CNKSR3: variants seen among roughly 807,000 people sequenced by gnomAD.
CNKSR3 encodes CNKSR family member 3.
In CNKSR3, 36 loss-of-function variants were observed where a neutral mutation model predicts 67.7. The ratio of observed to expected loss-of-function variants is 0.53; its 90% CI spans 0.41 to 0.70. CNKSR3 has a LOEUF of 0.70. CNKSR3 is among the 30% of genes least tolerant of loss of function. The pLI is 0.00. For synonymous variants in CNKSR3, 281 were observed against 271.4 expected, an observed-to-expected ratio of 1.04 and a Z score of -0.35; for missense variants, 630 against 695.2, an observed-to-expected ratio of 0.91 and a Z score of 1.05.
chr6:154,420,366 A>G (rs913249214), intron 9 of CNKSR3, among the ~76,000 whole-genome samples: 2 of 152,146 alleles, frequency 1.3e-5, no homozygotes, highest in Non-Finnish European at 1.5e-5. Flanking sequence ...CAAGAGATCT[A>G]TTGTATAGCA....
At chr6:154,484,832 C>CA (rs1786635887) in intron 1 of CNKSR3, among the ~76,000 whole-genome samples, 2 of 138,592 alleles carry the variant, frequency 1.4e-5, no homozygotes, top group East Asian at 3.9e-4. Flanking sequence ...TGGATGGAGG[C>CA]GAAGCTTCTT....
At chr6:154,417,078 TG>T in intron 9 of CNKSR3, among the ~76,000 whole-genome samples, 1 of 152,218 alleles carries the variant, frequency 6.6e-6, no homozygotes, top group Non-Finnish European at 1.5e-5. Flanking sequence ...TTTCCTCTAT[TG>T]CCTCAAACTC....
intron 1 of CNKSR3, among the ~76,000 whole-genome samples, chr6:154,468,080 C>CTTTTTTTTTTT (rs71021055): frequency 5.6e-5 from 6 of 107,494 alleles, no homozygotes; most frequent in South Asian, 3.1e-4. Context: ...TCTTTTTTTT[C>CTTTTTTTTTTT]TTTTTTTTTT....
chr6:154,407,020 A>T (rs184526360), intron 12 of CNKSR3, among the ~76,000 whole-genome samples: 55 of 151,258 alleles, frequency 3.6e-4, no homozygotes, highest in African/African-American at 1.2e-3. Flanking sequence ...CGGCCTGCCC[A>T]GACTTCTGCC....
chr6:154,464,349 A>G (rs1786146512), intron 1 of CNKSR3, among the ~76,000 whole-genome samples: 1 of 152,144 alleles, frequency 6.6e-6, no homozygotes, highest in South Asian at 2.1e-4. Flanking sequence ...CAAAAGGAAA[A>G]AAAATTCTAC....
At chr6:154,455,330 T>C (rs1285555049) in intron 1 of CNKSR3, among the ~76,000 whole-genome samples, 1 of 152,080 alleles carries the variant, frequency 6.6e-6, no homozygotes, top group East Asian at 1.9e-4. Flanking sequence ...AGTGATTTTG[T>C]TTTGTTCACT....
intron 1 of CNKSR3, among the ~76,000 whole-genome samples, chr6:154,470,183 CTTTCCTTTTTTTTTTT>C (rs1786294319): frequency 9.2e-6 from 1 of 108,302 alleles, no homozygotes; most frequent in East Asian, 2.9e-4. Flanking sequence ...AACCTACTTT[CTTTCCTTTTTTTTTTT>C]TTTTTTTTTT....
At chr6:154,440,975 C>T (rs1785568451) in intron 4 of CNKSR3, among the ~76,000 whole-genome samples, 1 of 151,612 alleles carries the variant, frequency 6.6e-6, no homozygotes, top group East Asian at 1.9e-4. Context: ...AACTTAGTTA[C>T]TCCAGAATTT....
In CNKSR3 at chr6:154,505,835, C is replaced by A. The variant is rs372340707; in HGVS notation, c.52+4228G>T. Among the ~76,000 whole-genome samples, 5 of 152,168 alleles carry A rather than the reference C, an allele frequency of 3.3e-5. No individual in the cohort carries two copies. In the East Asian group the frequency reaches 9.6e-4, roughly 29 times the overall value. ...TTGTTGAGAGCCTACCCACTCGAGG[C>A]TGATCAACAGCCAAGGCTAGGACAG... On this transcript the variant is annotated intron_variant, in intron 1 of 12. Coordinates refer to ENST00000607772, the MANE Select transcript of CNKSR3 (RefSeq NM_173515.4).
intron 9 of CNKSR3, among the ~76,000 whole-genome samples, chr6:154,414,979 TC>T (rs1440630130): frequency 4.0e-5 from 6 of 150,564 alleles, no homozygotes; most frequent in Non-Finnish European, 5.9e-5. Flanking sequence ...ACGCCTGTAG[TC>T]CCAGCTACTT....
In CNKSR3 at chr6:154,398,535, GT is replaced by G. The variant is rs1213572909; in HGVS notation, c.*7818del. 6.6e-6 allele frequency: 1 copy of G among 152,170 alleles called. No individual in the cohort carries two copies. Among genetic ancestry groups the G allele is most frequent in the African/African-American group, 2.4e-5 (1 of 41,426 alleles). 9.4% of individuals were successfully genotyped at this position (152,170 alleles called of 1,614,324 possible). A position where few individuals can be genotyped will look rare whatever the true frequency, so the allele number is the denominator to read the frequency against. On this transcript the variant is annotated 3_prime_UTR_variant, in exon 13 of 13. Transcript: ENST00000607772. The stretch of plus-strand genomic sequence containing the variant: ...CTCTTGGCTTTGTATTTGTGTAAGA[GT>G]TCCTTTTCACGATGAGAATGTCCAA...
intron 7 of CNKSR3, among the ~76,000 whole-genome samples, chr6:154,423,208 CT>C (rs1785183821): frequency 6.6e-6 from 1 of 152,152 alleles, no homozygotes; most frequent in Non-Finnish European, 1.5e-5. Context: ...GATAATTTGT[CT>C]GTTAGAACAG....
intron 1 of CNKSR3, among the ~76,000 whole-genome samples, chr6:154,475,760 G>A (rs1005765411): frequency 6.6e-6 from 1 of 152,168 alleles, no homozygotes; most frequent in African/African-American, 2.4e-5. Context: ...GCTCCACTAC[G>A]TCCTCCTCCA....
In CNKSR3 at chr6:154,414,398, T is replaced by C. The variant is rs367614445; in HGVS notation, c.971A>G (p.Gln324Arg). Residue 324 changes from glutamine (Q) to arginine (R), a missense_variant, in exon 10 of 13, where the codon CAG becomes CGG. By Grantham distance (43) the Gln-to-Arg change is conservative (BLOSUM62 1). Around this residue, in one of 3 missense-constraint regions of CNKSR3, gnomAD observed 308 missense variants for 299.6 expected, o/e 1.03. Transcript: ENST00000607772. ...VQTSPPPATT[Q>R]SPESTMDTSL... ...GGTATCCATAGTGCTTTCAGGGGAC[T>C]GGGTTGTCGCGGGTGGAGGTGAGGT... The C allele has an allele frequency of 1.0e-5, 16 of 1,604,254 alleles. No homozygotes were observed. The highest frequency in any genetic ancestry group is 1.3e-5 in the Non-Finnish European group (15 of 1,176,784).
At position 154,391,107 on chromosome 6, in the gene CNKSR3, C is replaced by T. The variant is rs1784601882; in HGVS notation, c.*15247G>A. ...GGAGCCATCGCGCCCGGCCTGACGC[C>T]TCTTTCTTTAGTGTGTAGCTGGTTT... On this transcript the variant is annotated 3_prime_UTR_variant, in exon 13 of 13. Transcript: ENST00000607772. 6.6e-6 allele frequency: 1 copy of T among 152,118 alleles called. No homozygotes were observed. Among genetic ancestry groups the T allele is most frequent in the South Asian group, 2.1e-4 (1 of 4,826 alleles). 9.4% of individuals were successfully genotyped at this position (152,118 alleles called of 1,614,324 possible). A position where few individuals can be genotyped will look rare whatever the true frequency, so the allele number is the denominator to read the frequency against.
chr6:154,450,579 G>A (rs969573704), intron 1 of CNKSR3, among the ~76,000 whole-genome samples: 5 of 152,162 alleles, frequency 3.3e-5, no homozygotes, highest in Admixed American at 3.3e-4. Flanking sequence ...CTGTCTGTTT[G>A]CTAAGCAACC....
intron 2 of CNKSR3, 150 bp from the exon 3 acceptor site, chr6:154,442,440 G>A: frequency 1.6e-6 from 1 of 616,960 alleles, no homozygotes; most frequent in East Asian, 2.9e-5. Flanking sequence ...GGCTAACACG[G>A]TGAAACCCCG....
intron 1 of CNKSR3, among the ~76,000 whole-genome samples, chr6:154,506,642 C>T (rs1562362039): frequency 1.3e-5 from 2 of 152,226 alleles, no homozygotes; most frequent in African/African-American, 2.4e-5. Flanking sequence ...CCATGTGCTA[C>T]GAATGGCTGA....
chr6:154,424,836 A>T (rs1049842648), intron 7 of CNKSR3, among the ~76,000 whole-genome samples: 1 of 152,070 alleles, frequency 6.6e-6, no homozygotes, highest in Non-Finnish European at 1.5e-5. Flanking sequence ...CAGTGGTGTG[A>T]TCTCAGCCCA....
Sources: allele counts gnomAD v4.1 joint callset (sites outside exome capture counted in the v4.1 genomes callset), GRCh38; gene constraint gnomAD v4.1.1; regional missense constraint gnomAD v4.1.1; transcripts MANE v1.5; gene names NCBI Gene and HGNC (gene_info 2026-07-23, HGNC 2026-07-21).